Variants in RUBCN observed in about 807,000 individuals in gnomAD.
The protein encoded by RUBCN is run domain Beclin-1-interacting and cysteine-rich domain-containing protein.
RUBCN carries 74 observed loss-of-function variants against 113.2 expected under a neutral mutation model. The observed-to-expected ratio is 0.65, with a 90% confidence interval of 0.54 to 0.79. The LOEUF (loss-of-function observed/expected upper bound fraction) is 0.79. Ranked by LOEUF, RUBCN falls within the 30% of genes least tolerant of loss-of-function variation. RUBCN has a pLI of 0.00. For synonymous variants in RUBCN, 480 were observed against 490.0 expected, an observed-to-expected ratio of 0.98 and a Z score of 0.27; for missense variants, 1,109 against 1,251.7, an observed-to-expected ratio of 0.89 and a Z score of 1.72.
chr3:197,681,508 G>C lies in RUBCN; in HGVS notation c.2192-141C>G, dbSNP rs1239966907. 5.5e-6 allele frequency: 4 copies of C among 721,774 alleles called. No homozygotes were observed. In the African/African-American group the frequency reaches 7.0e-5, roughly 13 times the overall value. 44.7% of individuals were successfully genotyped at this position (721,774 alleles called of 1,614,324 possible). ...CCTCTGTCTGAGTTCCCCAAAGCTT[G>C]CAGAAATCCACATAGTGGATCCTGG... is the stretch of plus-strand genomic sequence containing the variant. On this transcript the variant is annotated intron_variant, in intron 15 of 19. Coordinates refer to ENST00000296343, the MANE Select transcript of RUBCN (RefSeq NM_014687.4). The surrounding 1 kb of genome is among the most constrained non-coding windows in gnomAD (Gnocchi z 5.5).
intron 4 of RUBCN, 132 bp downstream of exon 4, chr3:197,704,410 G>T: frequency 1.2e-6 from 1 of 865,866 alleles, no homozygotes; most frequent in Middle Eastern, 3.1e-4. Context: ...CTCCAGCCTG[G>T]GTGACAAGAG....
chr3:197,686,769 A>C (rs960369549), intron 11 of RUBCN, among the ~76,000 whole-genome samples: 4 of 152,298 alleles, frequency 2.6e-5, no homozygotes, highest in Admixed American at 2.6e-4. Flanking sequence ...GAAACTTTTT[A>C]TTGATTTTTT....
chr3:197,704,463 G>A (rs1312755616), intron 4 of RUBCN, 79 bp downstream of exon 4: 1 of 1,359,052 alleles, frequency 7.4e-7, no homozygotes, highest in Non-Finnish European at 1.1e-6. Context: ...AGGAGGCCCT[G>A]GTACCAGAGG....
intron 1 of RUBCN, among the ~76,000 whole-genome samples, chr3:197,721,923 T>C (rs1289013930): frequency 6.6e-6 from 1 of 152,140 alleles, no homozygotes; most frequent in Non-Finnish European, 1.5e-5. Flanking sequence ...GATTTCTAGT[T>C]GTATTGCACT....
intron 11 of RUBCN, among the ~76,000 whole-genome samples, chr3:197,685,731 A>T (rs2108861694): frequency 6.6e-6 from 1 of 152,346 alleles, no homozygotes; most frequent in South Asian, 2.1e-4. Flanking sequence ...AAGATGTTCA[A>T]GTATATCATG....
intron 11 of RUBCN, chr3:197,691,298 C>T (rs1722396240): frequency 2.4e-6 from 1 of 421,424 alleles, no homozygotes; most frequent in South Asian, 1.8e-5. Context: ...GGTAGGTGCT[C>T]ACTCTAGCTT....
Position 197,671,526 on chromosome 3 carries a change from CAATT to C in RUBCN, c.*3488_*3491del, listed in dbSNP as rs1055800726. ...TGCCACTTACAGAGGAAGTTGAAGACAATTAATTTTCAAACCTGGGTGACTAATG... is the reference window on the plus strand; with the variant it reads ...TGCCACTTACAGAGGAAGTTGAAGACAATTTTCAAACCTGGGTGACTAATG... On this transcript the variant is annotated 3_prime_UTR_variant, in exon 20 of 20. Transcript: ENST00000296343. The C allele has an allele frequency of 2.6e-5, 4 of 152,268 alleles. No individual in the cohort carries two copies. The highest frequency in any genetic ancestry group is 6.5e-5 in the Admixed American group (1 of 15,294). 9.4% of individuals were successfully genotyped at this position (152,268 alleles called of 1,614,324 possible). A position where few individuals can be genotyped will look rare whatever the true frequency, so the allele number is the denominator to read the frequency against.
At chr3:197,696,297 G>C (rs1388702100) in intron 8 of RUBCN, among the ~76,000 whole-genome samples, 1 of 151,920 alleles carries the variant, frequency 6.6e-6, no homozygotes, top group Non-Finnish European at 1.5e-5. Flanking sequence ...ATCTGAACCT[G>C]GGAGGCGGAG....
rs1327355898 is a variant in RUBCN at position 197,682,469 on chromosome 3, C to A, written c.2126+1G>T. 2 of 1,614,024 alleles carry A rather than the reference C, an allele frequency of 1.2e-6. No individual in the cohort carries two copies. Among genetic ancestry groups the A allele is most frequent in the Non-Finnish European group, 1.7e-6 (2 of 1,180,024 alleles). ...AAAGGGCACAGACACTGGCCACTCA[C>A]GTTGGGGCTGGATGAACATTAAAAA... On this transcript the variant is annotated splice_donor_variant, in intron 14 of 19. Coordinates refer to ENST00000296343, the MANE Select transcript of RUBCN (RefSeq NM_014687.4). LOFTEE classifies it high-confidence loss of function.
intron 1 of RUBCN, among the ~76,000 whole-genome samples, chr3:197,746,822 A>G (rs1316671502): frequency 2.0e-5 from 3 of 152,158 alleles, no homozygotes; most frequent in African/African-American, 7.2e-5. Context: ...ACACCAACAA[A>G]GGCTGAATGC....
Position 197,681,187 on chromosome 3 carries a change from T to C in RUBCN, c.2372A>G (p.Asn791Ser). The C allele has an allele frequency of 6.2e-7, 1 of 1,614,128 alleles. No individual in the cohort carries two copies. Among genetic ancestry groups the C allele is most frequent in the Admixed American group, 1.7e-5 (1 of 60,022 alleles). The change falls in exon 16 of 20, where the codon AAC (asparagine) becomes AGC (serine). Residue 791 changes from asparagine to serine, a missense_variant. Coordinates refer to ENST00000296343, the MANE Select transcript of RUBCN (RefSeq NM_014687.4). This position sits in a 1 kb window ranked among gnomAD's most constrained non-coding sequence, Gnocchi z 5.5. ...LIKIWNDPLF[N>S]VQDINSALYR... Reference sequence around the variant, plus strand: ...GAGGGCACTGTTTATGTCCTGCACGTTGAAGAGAGGATCATTCCAGATCTT... The same window carrying C: ...GAGGGCACTGTTTATGTCCTGCACGCTGAAGAGAGGATCATTCCAGATCTT...
intron 1 of RUBCN, among the ~76,000 whole-genome samples, chr3:197,744,038 T>A (rs984699996): frequency 1.3e-5 from 2 of 151,430 alleles, no homozygotes; most frequent in African/African-American, 2.4e-5. Context: ...TTATTATACC[T>A]AATACATATT....
chr3:197,696,733 C>T (rs145154668), intron 8 of RUBCN, among the ~76,000 whole-genome samples: 6 of 151,796 alleles, frequency 4.0e-5, no homozygotes, highest in South Asian at 2.1e-4. Context: ...ACACCCAGCA[C>T]GTAAGAGAGG....
At position 197,675,359 on chromosome 3, in the gene RUBCN, C is replaced by A; in HGVS notation, c.2740+63G>T. ...ACCGAACTCTTGCTAACAGGGGTGG[C>A]TCTGGGGAATCAAGGAGCCCTGTGT... On this transcript the variant is annotated intron_variant, in intron 19 of 19. Transcript: ENST00000296343. This position sits in a 1 kb window ranked among gnomAD's most constrained non-coding sequence, Gnocchi z 4.4. 1 of 1,536,342 alleles carries A rather than the reference C, an allele frequency of 6.5e-7. No individual in the cohort carries two copies. Among genetic ancestry groups the A allele is most frequent in the Non-Finnish European group, 9.0e-7 (1 of 1,111,358 alleles).
chr3:197,725,393 C>T (rs543715413), intron 1 of RUBCN, among the ~76,000 whole-genome samples: 1 of 151,764 alleles, frequency 6.6e-6, no homozygotes, highest in African/African-American at 2.4e-5. Flanking sequence ...AAATAATATG[C>T]TTTAAATAAA....
rs1411389188 is a variant in RUBCN, at chr3:197,736,683, C to T, written c.37G>A (p.Gly13Ser). ...CTCTCCTCAGGCAGGCGCTCCTCGC[C>T]GCCTCCGAGCTCCATTCCCGCGCCC... Reference protein sequence around the residue: ...PEGAGMELGGGEERLPEESRR... With the variant: ...PEGAGMELGGSEERLPEESRR... Residue 13 changes from glycine to serine, a missense_variant, in exon 1 of 20, where the codon GGC (glycine) becomes AGC (serine). Gly to Ser is a moderately conservative substitution (Grantham distance 56). Coordinates refer to ENST00000296343, the MANE Select transcript of RUBCN (RefSeq NM_014687.4). 16 of 1,532,292 alleles carry T rather than the reference C, an allele frequency of 1.0e-5. 1 individual carries two copies. In the South Asian group the frequency reaches 1.9e-4, roughly 18 times the overall value. 94.9% of individuals were successfully genotyped at this position (1,532,292 alleles called of 1,614,324 possible). A position where few individuals can be genotyped will look rare whatever the true frequency, so the allele number is the denominator to read the frequency against.
upstream of RUBCN, among the ~76,000 whole-genome samples, chr3:197,738,638 T>C (rs2109019617): frequency 1.3e-5 from 2 of 152,324 alleles, no homozygotes; most frequent in South Asian, 2.1e-4. Flanking sequence ...CAGGCTGGGG[T>C]GCAGTAGCGC....
intron 2 of RUBCN, among the ~76,000 whole-genome samples, chr3:197,716,680 GATTAA>G (rs1244309187): frequency 2.0e-5 from 3 of 152,138 alleles, no homozygotes; most frequent in Non-Finnish European, 2.9e-5. Flanking sequence ...TTGCAGGTGT[GATTAA>G]ATTAAGGATT....
At chr3:197,718,265 G>T in intron 1 of RUBCN, 135 bp from the exon 2 acceptor site, 1 of 928,604 alleles carries the variant, frequency 1.1e-6, no homozygotes, top group Non-Finnish European at 1.7e-6. Flanking sequence ...TTTTACTTGG[G>T]CACAAAACTC....
Sources: gnomAD v4.1 joint callset for allele counts (sites outside exome capture counted in the v4.1 genomes callset) on GRCh38, gnomAD v4.1.1 for gene constraint, Gnocchi (gnomAD v3.1) non-coding constraint, MANE v1.5 for transcripts, NCBI Gene and HGNC (gene_info 2026-07-23, HGNC 2026-07-21) for gene names.